PBX1: variants seen among roughly 807,000 people sequenced by gnomAD.
PBX1 encodes pre-B-cell leukemia transcription factor 1.
A neutral mutation model predicts 53.4 loss-of-function variants in PBX1; 6 were observed. The ratio of observed to expected loss-of-function variants is 0.11; its 90% confidence interval spans 0.06 to 0.22. The LOEUF is 0.22. Among genes scored for constraint, PBX1 ranks in the 10% least tolerant of loss-of-function variants. The probability of loss-of-function intolerance (pLI) is 1.00; values close to 1 mark genes in which losing one functional copy is unlikely to be tolerated. For synonymous variants in PBX1, 204 were observed against 212.3 expected, an observed-to-expected ratio of 0.96 and a Z score of 0.34; for missense variants, 251 against 551.4, an observed-to-expected ratio of 0.46 and a Z score of 5.46.
intron 2 of PBX1, chr1:164,674,355 C>A (rs1430185506): frequency 1.3e-5 from 2 of 152,166 alleles, no homozygotes; most frequent in African/African-American, 4.8e-5. Context: ...CTAGTTGATT[C>A]TCTGGCTTTG....
chr1:164,759,949 C>A (rs1571351493), intron 2 of PBX1, among the ~76,000 whole-genome samples: 1 of 152,132 alleles, frequency 6.6e-6, no homozygotes, highest in African/African-American at 2.4e-5. Flanking sequence ...CCGACTAGAT[C>A]CCCCTAAAAA....
intron 2 of PBX1, among the ~76,000 whole-genome samples, chr1:164,659,283 TCTGCATC>T (rs1203702172): frequency 3.9e-5 from 6 of 152,214 alleles, no homozygotes; most frequent in African/African-American, 2.4e-5. Flanking sequence ...CATTTGGAAT[TCTGCATC>T]CAGATCTTCT....
chr1:164,882,242 A>G (rs1672677248), intron 2 of PBX1, among the ~76,000 whole-genome samples: 2 of 152,190 alleles, frequency 1.3e-5, no homozygotes, highest in South Asian at 4.1e-4. Context: ...CTGCCTAAAT[A>G]TGGTGCTCAC....
At chr1:164,609,215 T>C (rs1656746422) in intron 2 of PBX1, among the ~76,000 whole-genome samples, 1 of 152,112 alleles carries the variant, frequency 6.6e-6, no homozygotes, top group Admixed American at 6.5e-5. Context: ...AGGAAACTTC[T>C]CTTAACATTG....
At chr1:164,821,853 G>T (rs1222101357) in intron 8 of PBX1, among the ~76,000 whole-genome samples, 1 of 152,078 alleles carries the variant, frequency 6.6e-6, no homozygotes, top group African/African-American at 2.4e-5. Context: ...GCTGTCAGAC[G>T]CAATCAGTGT....
At chr1:164,576,351 C>T (rs569050434) in intron 2 of PBX1, among the ~76,000 whole-genome samples, 76 of 152,320 alleles carry the variant, frequency 5.0e-4, no homozygotes, top group African/African-American at 1.7e-3. Context: ...GGCTGATGCG[C>T]GCAGCATAGA....
intron 2 of PBX1, among the ~76,000 whole-genome samples, chr1:164,885,107 A>G (rs1672748412): frequency 2.0e-5 from 3 of 152,160 alleles, no homozygotes; most frequent in South Asian, 2.1e-4. Flanking sequence ...TGTTCTGTGG[A>G]TGATGTGGGA....
intron 2 of PBX1, among the ~76,000 whole-genome samples, chr1:164,617,810 C>T (rs1465972661): frequency 6.6e-6 from 1 of 152,198 alleles, no homozygotes; most frequent in Non-Finnish European, 1.5e-5. Flanking sequence ...AGACCAGTTT[C>T]CATATTCCAC....
At chr1:164,661,313 C>A (rs927388488) in intron 2 of PBX1, among the ~76,000 whole-genome samples, 1 of 152,112 alleles carries the variant, frequency 6.6e-6, no homozygotes, top group Non-Finnish European at 1.5e-5. Context: ...GACATGCCAT[C>A]TGGCATGAGG....
intron 2 of PBX1, among the ~76,000 whole-genome samples, chr1:164,721,441 G>A (rs997795932): frequency 6.6e-6 from 1 of 152,096 alleles, no homozygotes; most frequent in Non-Finnish European, 1.5e-5. Flanking sequence ...GTGTGTGTGT[G>A]TGTGTGTGTA....
intron 1 of PBX1, chr1:164,560,450 A>G: frequency 2.8e-6 from 1 of 358,040 alleles, no homozygotes; most frequent in Non-Finnish European, 5.0e-6. Context: ...TCCCAAGAAC[A>G]CTTTATTTGC....
chr1:164,678,849 G>A (rs923978963), intron 2 of PBX1, among the ~76,000 whole-genome samples: 1 of 151,814 alleles, frequency 6.6e-6, no homozygotes, highest in Non-Finnish European at 1.5e-5. Context: ...TTCTCTTAGG[G>A]CATCTGTTAG....
rs554049633 is a variant in PBX1 at position 164,623,429 on chromosome 1, A to G, written c.265+60118A>G. Among the ~76,000 whole-genome samples, 3 of 152,116 alleles carry G rather than the reference A, an allele frequency of 2.0e-5. No individual in the cohort carries two copies. The East Asian group carries it at 5.8e-4, about 29-fold the overall frequency. On this transcript the variant is annotated intron_variant, in intron 2 of 8. Coordinates refer to ENST00000420696, the MANE Select transcript of PBX1 (RefSeq NM_002585.4). ...GGAAAGAAGGAGATTTCTGAATTTT[A>G]TTTTTTTCTTGTCTAGGAAATTTTT...
intron 2 of PBX1, among the ~76,000 whole-genome samples, chr1:164,690,238 A>AG (rs1662385985): frequency 6.6e-6 from 1 of 151,900 alleles, no homozygotes; most frequent in Non-Finnish European, 1.5e-5. Context: ...TGGGAGAGGG[A>AG]GGGGCCTGTG....
intron 2 of PBX1, among the ~76,000 whole-genome samples, chr1:164,644,772 G>A (rs570422996): frequency 2.0e-4 from 30 of 152,266 alleles, no homozygotes; most frequent in African/African-American, 7.0e-4. Flanking sequence ...TTATTAAAGA[G>A]TTAATAACCA....
chr1:164,717,436 G>A (rs1664168327), intron 2 of PBX1, among the ~76,000 whole-genome samples: 1 of 152,146 alleles, frequency 6.6e-6, no homozygotes, highest in Non-Finnish European at 1.5e-5. Flanking sequence ...GAACGCTTGG[G>A]TGTTCTGGTG....
chr1:164,710,895 G>A lies in PBX1; in HGVS notation c.266-81599G>A, dbSNP rs145528265. Among the ~76,000 whole-genome samples the A allele has an allele frequency of 1.9e-3, 292 of 152,326 alleles. 3 individuals are homozygous for A. Among genetic ancestry groups the A allele is most frequent in the Admixed American group, 4.7e-3 (72 of 15,302 alleles). On this transcript the variant is annotated intron_variant, in intron 2 of 8. Coordinates refer to ENST00000420696, the MANE Select transcript of PBX1 (RefSeq NM_002585.4). ...GGGATGACTAAGTGCAAGGCAGGGCGTGATGGCTTACCTTCCTCCAAGTCC... is the reference window on the plus strand; with the variant it reads ...GGGATGACTAAGTGCAAGGCAGGGCATGATGGCTTACCTTCCTCCAAGTCC...
intron 2 of PBX1, among the ~76,000 whole-genome samples, chr1:164,767,794 C>T (rs1667142550): frequency 6.6e-6 from 1 of 152,092 alleles, no homozygotes; most frequent in Admixed American, 6.5e-5. Context: ...ATATTTCTGG[C>T]ACAGAAAAAC....
intron 2 of PBX1, among the ~76,000 whole-genome samples, chr1:164,860,546 A>T (rs1672072784): frequency 6.6e-6 from 1 of 152,096 alleles, no homozygotes; most frequent in Non-Finnish European, 1.5e-5. Flanking sequence ...TTTGCTCATG[A>T]TGCCATGATG....
Sources: gnomAD v4.1 joint callset for allele counts (sites outside exome capture counted in the v4.1 genomes callset) on GRCh38, gnomAD v4.1.1 for gene constraint, MANE v1.5 for transcripts, NCBI Gene and HGNC (gene_info 2026-07-23, HGNC 2026-07-21) for gene names.